COL3A1: variants seen among roughly 807,000 people sequenced by gnomAD.
The protein encoded by COL3A1 is collagen type III alpha 1 chain.
Under a neutral mutation model 200.9 loss-of-function variants are expected in COL3A1, and 46 were observed. That is an observed-to-expected ratio of 0.23 (90% CI 0.18 to 0.29). COL3A1 has a LOEUF of 0.29. Ranked by LOEUF, COL3A1 falls within the 10% of genes least tolerant of loss-of-function variation. COL3A1 has a pLI of 1.00. For missense variants in COL3A1, 1,367 were observed against 1,917.6 expected (o/e 0.71, Z 5.36); for synonymous variants, 650 against 628.0 (o/e 1.03, Z -0.52).
At chr2:188,984,526 G>A (rs1334250941) in intron 1 of COL3A1, among the ~76,000 whole-genome samples, 1 of 151,992 alleles carries the variant, frequency 6.6e-6, no homozygotes, top group African/African-American at 2.4e-5. Flanking sequence ...CTGGTCTTAA[G>A]GAAAATTGAC....
rs891705564 is a variant in COL3A1 at position 188,994,170 on chromosome 2, A to G, written c.1195-64A>G. ...GCATGACAATAGATTTGTGATATTT[A>G]AGTGAGATATTCATAAAAGAACATT... On this transcript the variant is annotated intron_variant, in intron 17 of 50. Transcript: ENST00000304636. This position sits in a 1 kb window ranked among gnomAD's most constrained non-coding sequence, Gnocchi z 4.5. The G allele has an allele frequency of 3.0e-5, 49 of 1,610,324 alleles. No homozygotes were observed. Among genetic ancestry groups the G allele is most frequent in the Middle Eastern group, 1.6e-4 (1 of 6,074 alleles).
At chr2:189,003,172 T>C (rs1312509104) in intron 36 of COL3A1, 110 bp downstream of exon 36, 1 of 938,840 alleles carries the variant, frequency 1.1e-6, no homozygotes, top group Non-Finnish European at 1.7e-6. Context: ...AAGTCCTAAG[T>C]GTTCTAATGG....
chr2:188,998,642 A>G (rs767310146), intron 28 of COL3A1, 32 bp from the exon 29 acceptor site: 2 of 1,607,864 alleles, frequency 1.2e-6, no homozygotes, highest in Admixed American at 1.7e-5. Context: ...GCACTCTGAT[A>G]TGGGCCTAAT....
chr2:189,007,557 A>C lies in COL3A1; in HGVS notation c.3313A>C (p.Ile1105Leu). 6.2e-7 allele frequency: 1 copy of C among 1,613,836 alleles called. No homozygotes were observed. The highest frequency in any genetic ancestry group is 8.5e-7 in the Non-Finnish European group (1 of 1,179,850). Residue 1105 changes from isoleucine (I) to leucine (L), a missense_variant, in exon 45 of 51, where the codon ATC (isoleucine) becomes CTC (leucine). By Grantham distance (5) the Ile-to-Leu change is conservative (BLOSUM62 2). Coordinates refer to ENST00000304636, the MANE Select transcript of COL3A1 (RefSeq NM_000090.4). ...AACAGGTGAACGTGGAGCTGCTGGC[A>C]TCAAAGGACATCGAGGATTCCCTGG... Reference protein sequence around the residue: ...GETGERGAAGIKGHRGFPGNP... With the variant: ...GETGERGAAGLKGHRGFPGNP...
chr2:188,990,292 A>T lies in COL3A1; in HGVS notation c.745-15A>T, dbSNP rs768332539. On this transcript the variant is annotated splice_polypyrimidine_tract_variant and intron_variant, in intron 9 of 50. Transcript: ENST00000304636. ...TTTGAAGGTTCATTAATATTTTTTC[A>T]TTCATTATTTTTAGGGTATCAAAGG... The T allele has an allele frequency of 1.4e-5, 22 of 1,610,540 alleles. No homozygotes were observed. The highest frequency in any genetic ancestry group is 1.7e-5 in the Non-Finnish European group (20 of 1,177,440).
chr2:189,001,465 T>C lies in COL3A1; in HGVS notation c.2337+15T>C. Reference sequence around the variant, plus strand: ...CTGGAGATAAGGTAACCCTTAATACTACCTGGATATAAAAAGAAAATGTCT... The same window carrying C: ...CTGGAGATAAGGTAACCCTTAATACCACCTGGATATAAAAAGAAAATGTCT... On this transcript the variant is annotated intron_variant, in intron 33 of 50. Transcript: ENST00000304636. The C allele has an allele frequency of 6.2e-7, 1 of 1,614,100 alleles. No homozygotes were observed. The highest frequency in any genetic ancestry group is 8.5e-7 in the Non-Finnish European group (1 of 1,179,942).
At chr2:188,976,412 T>C (rs1158580481) in intron 1 of COL3A1, among the ~76,000 whole-genome samples, 3 of 152,160 alleles carry the variant, frequency 2.0e-5, no homozygotes, top group African/African-American at 7.2e-5. Context: ...TTGTGTGTTC[T>C]TAAGCTCAAA....
chr2:188,987,000 T>C, intron 4 of COL3A1, 59 bp from the exon 5 acceptor site: 1 of 1,499,134 alleles, frequency 6.7e-7, no homozygotes, highest in Admixed American at 1.7e-5. Flanking sequence ...TAAATGCTTT[T>C]TAAAAGAATT....
Position 188,981,811 on chromosome 2 carries a change from C to T in COL3A1, c.80-2949C>T, listed in dbSNP as rs185660288. Among the ~76,000 whole-genome samples the T allele has an allele frequency of 1.1e-3, 161 of 151,630 alleles. 1 individual carries two copies. Among genetic ancestry groups the T allele is most frequent in the Non-Finnish European group, 1.2e-3 (79 of 67,630 alleles). ...ACATCAATCTAAGAGCTTTAACTTT[C>T]AGTAGAATATATTGCTAACTATATT... On this transcript the variant is annotated intron_variant, in intron 1 of 50. Coordinates refer to ENST00000304636, the MANE Select transcript of COL3A1 (RefSeq NM_000090.4).
Position 189,001,464 on chromosome 2 carries a change from C to A in COL3A1, c.2337+14C>A. 1 of 1,614,024 alleles carries A rather than the reference C, an allele frequency of 6.2e-7. No individual in the cohort carries two copies. On this transcript the variant is annotated intron_variant, in intron 33 of 50. Transcript: ENST00000304636. Reference sequence around the variant, plus strand: ...CCTGGAGATAAGGTAACCCTTAATACTACCTGGATATAAAAAGAAAATGTC... The same window carrying A: ...CCTGGAGATAAGGTAACCCTTAATAATACCTGGATATAAAAAGAAAATGTC...
At position 188,987,119 on chromosome 2, in the gene COL3A1, G is replaced by A. The variant is rs374476865; in HGVS notation, c.508G>A (p.Ala170Thr). ...GTCTGGAGTAGCAGTAGGAGGACTC[G>A]CAGGCTATCCTGGACCAGCTGTACG... Reference protein sequence around the residue: ...VKSGVAVGGLAGYPGPAGPPG... With the variant: ...VKSGVAVGGLTGYPGPAGPPG... Residue 170 changes from alanine (A) to threonine (T), a missense_variant, in exon 5 of 51, where the codon GCA (alanine) becomes ACA (threonine). Transcript: ENST00000304636. The A allele has an allele frequency of 2.1e-5, 34 of 1,612,564 alleles. No homozygotes were observed. In the East Asian group the frequency reaches 4.9e-4, roughly 23 times the overall value.
intron 43 of COL3A1, 139 bp downstream of exon 43, chr2:189,006,591 C>T (rs901212625): frequency 1.0e-5 from 9 of 875,286 alleles, no homozygotes; most frequent in Middle Eastern, 3.0e-4. Context: ...CTAGTTGTTC[C>T]TTAGACAAAT....
At chr2:188,983,898 A>G (rs1688008420) in intron 1 of COL3A1, among the ~76,000 whole-genome samples, 1 of 151,948 alleles carries the variant, frequency 6.6e-6, no homozygotes, top group Non-Finnish European at 1.5e-5. Context: ...AATTGAGACC[A>G]GGTTTTGTTT....
intron 36 of COL3A1, 142 bp downstream of exon 36, chr2:189,003,204 T>A: frequency 1.2e-6 from 1 of 815,524 alleles, no homozygotes; most frequent in Non-Finnish European, 2.1e-6. Flanking sequence ...GGTTTATCAG[T>A]AATTTAATAT....
intron 1 of COL3A1, among the ~76,000 whole-genome samples, chr2:188,975,864 T>C (rs536603427): frequency 1.3e-5 from 2 of 152,006 alleles, no homozygotes; most frequent in East Asian, 3.9e-4. Flanking sequence ...CCTTTAGACT[T>C]CTCTTCACTC....
In COL3A1 at chr2:188,991,057, G is replaced by A. The variant is rs1159254644; in HGVS notation, c.852G>A (p.Lys284=). ...GTGAAACAGGTGCTCCTGGATTAAA[G>A]GTAAATCACAACAAAAATCATATTT... ...EKGETGAPGL[K]GENGLPGENG... The change falls in exon 11 of 51, where the codon AAG becomes AAA. Residue 284 remains lysine (K), a splice_region_variant and synonymous_variant. Transcript: ENST00000304636. 1.2e-6 allele frequency: 2 copies of A among 1,612,278 alleles called. No homozygotes were observed. The highest frequency in any genetic ancestry group is 1.7e-6 in the Non-Finnish European group (2 of 1,178,912).
At position 188,984,803 on chromosome 2, in the gene COL3A1, T is replaced by C. The variant is rs770961095; in HGVS notation, c.123T>C (p.Asp41=). The change falls in exon 2 of 51, where the codon GAT becomes GAC. Residue 41 remains aspartate, a synonymous_variant. Coordinates refer to ENST00000304636, the MANE Select transcript of COL3A1 (RefSeq NM_000090.4). The part of the protein sequence containing the change: ...GCSHLGQSYA[D]RDVWKPEPCQ... ...CCCATCTTGGTCAGTCCTATGCGGATAGAGATGTCTGGAAGCCAGAACCAT... is the reference window on the plus strand; with the variant it reads ...CCCATCTTGGTCAGTCCTATGCGGACAGAGATGTCTGGAAGCCAGAACCAT... 4.8e-5 allele frequency: 77 copies of C among 1,613,024 alleles called. No homozygotes were observed. In the South Asian group the frequency reaches 7.6e-4, roughly 16 times the overall value.
At position 188,990,300 on chromosome 2, in the gene COL3A1, T is replaced by C. The variant is rs776306752; in HGVS notation, c.745-7T>C. On this transcript the variant is annotated splice_region_variant and splice_polypyrimidine_tract_variant and intron_variant, in intron 9 of 50. Transcript: ENST00000304636. ...TTCATTAATATTTTTTCATTCATTA[T>C]TTTTAGGGTATCAAAGGTCCAGCTG... 1.7e-5 allele frequency: 27 copies of C among 1,611,544 alleles called. No homozygotes were observed. The highest frequency in any genetic ancestry group is 1.7e-4 in the Middle Eastern group (1 of 6,048).
Position 189,004,381 on chromosome 2 carries a change from TC to T in COL3A1, c.2931+19del. On this transcript the variant is annotated intron_variant, in intron 40 of 50. Coordinates refer to ENST00000304636, the MANE Select transcript of COL3A1 (RefSeq NM_000090.4). ...GGTGTCAAGGTGAGTATAGTCATTTTCCACTACACTCTTCCTTCCTTTGGTA... is the reference window on the plus strand; with the variant it reads ...GGTGTCAAGGTGAGTATAGTCATTTTCACTACACTCTTCCTTCCTTTGGTA... 6.4e-7 allele frequency: 1 copy of T among 1,564,828 alleles called. No individual in the cohort carries two copies. The highest frequency in any genetic ancestry group is 8.7e-7 in the Non-Finnish European group (1 of 1,149,952).
Sources: gnomAD v4.1 joint callset for allele counts (sites outside exome capture counted in the v4.1 genomes callset) on GRCh38, gnomAD v4.1.1 for gene constraint, Gnocchi (gnomAD v3.1) non-coding constraint, MANE v1.5 for transcripts, NCBI Gene and HGNC (gene_info 2026-07-23, HGNC 2026-07-21) for gene names.